The following ASCC3 variants were observed in gnomAD, a reference collection of about 807,000 sequenced individuals.
ASCC3 encodes the protein ASC-1 complex subunit P200.
A neutral mutation model predicts 256.3 loss-of-function variants in ASCC3; 158 were observed. The ratio of observed to expected loss-of-function variants is 0.62; its 90% CI spans 0.54 to 0.70. ASCC3 has a LOEUF of 0.70. ASCC3 is among the 30% of genes least tolerant of loss of function. The pLI, the probability that ASCC3 is intolerant of heterozygous loss-of-function variation, is 0.00. For missense variants in ASCC3, 2,259 were observed against 2,626.0 expected (o/e 0.86, Z 3.05); for synonymous variants, 948 against 883.4 (o/e 1.07, Z -1.30).
chr6:100,521,611 G>A (rs1774314220), intron 37 of ASCC3, among the ~76,000 whole-genome samples: 1 of 152,148 alleles, frequency 6.6e-6, no homozygotes, highest in Admixed American at 6.5e-5. Context: ...GGGGGTCTTG[G>A]AACTATGTTC....
intron 4 of ASCC3, among the ~76,000 whole-genome samples, chr6:100,837,863 C>CAA (rs1175684130): frequency 6.6e-6 from 1 of 151,524 alleles, no homozygotes; most frequent in Non-Finnish European, 1.5e-5. Context: ...TTGGGTATTT[C>CAA]AAAAAAGCTG....
rs200273419 is a variant in ASCC3, at chr6:100,532,454, TA to T, written c.5775+7708del. On this transcript the variant is annotated intron_variant, in intron 37 of 41. Coordinates refer to ENST00000369162, the MANE Select transcript of ASCC3 (RefSeq NM_006828.4). The stretch of plus-strand genomic sequence containing the variant: ...AATTACAAAAGCCATGAGCTGCTTT[TA>T]TGCTGAAAATGATCATTTCTCTGTT... 6.2e-4 allele frequency among the ~76,000 whole-genome samples: 91 copies of T among 147,258 alleles called. 1 individual carries two copies. The East Asian group carries it at 0.012, about 20-fold the overall frequency.
At chr6:100,757,714 C>T (rs1344482819) in intron 10 of ASCC3, among the ~76,000 whole-genome samples, 2 of 152,094 alleles carry the variant, frequency 1.3e-5, no homozygotes, top group Non-Finnish European at 2.9e-5. Flanking sequence ...ATGAAACAGA[C>T]ATCAGAAGAT....
chr6:100,715,068 G>C (rs1779027897), intron 13 of ASCC3: 2 of 155,384 alleles, frequency 1.3e-5, no homozygotes, highest in African/African-American at 4.8e-5. Flanking sequence ...ACTTCACTTT[G>C]TCTTTAACAA....
At chr6:100,797,267 T>C (rs1024350784) in intron 8 of ASCC3, among the ~76,000 whole-genome samples, 3 of 151,932 alleles carry the variant, frequency 2.0e-5, no homozygotes, top group Non-Finnish European at 2.9e-5. Context: ...CTGGCCAACA[T>C]GGCAAAACCC....
At chr6:100,831,324 TAAA>T (rs201555489) in intron 4 of ASCC3, among the ~76,000 whole-genome samples, 1 of 141,042 alleles carries the variant, frequency 7.1e-6, no homozygotes, top group Admixed American at 7.1e-5. Context: ...CTCTTCTGGT[TAAA>T]AAAAAAAAGG....
At chr6:100,763,221 G>T (rs972565950) in intron 10 of ASCC3, among the ~76,000 whole-genome samples, 1 of 152,148 alleles carries the variant, frequency 6.6e-6, no homozygotes, top group East Asian at 1.9e-4. Context: ...AAGGGTAGAA[G>T]AACAGGGTAA....
At chr6:100,705,432 G>A (rs1274377018) in intron 13 of ASCC3, among the ~76,000 whole-genome samples, 3 of 151,974 alleles carry the variant, frequency 2.0e-5, no homozygotes, top group Non-Finnish European at 4.4e-5. Flanking sequence ...AGATAAAACT[G>A]TTAATTTTTT....
At chr6:100,758,862 C>G (rs761964857) in intron 10 of ASCC3, among the ~76,000 whole-genome samples, 2 of 152,082 alleles carry the variant, frequency 1.3e-5, no homozygotes, top group African/African-American at 4.8e-5. Context: ...CCACCAACAG[C>G]GTAAAAGCAT....
At chr6:100,556,597 T>G (rs1019395892) in intron 36 of ASCC3, among the ~76,000 whole-genome samples, 1 of 152,190 alleles carries the variant, frequency 6.6e-6, no homozygotes, top group South Asian at 2.1e-4. Context: ...AAACTAAGAC[T>G]GTGGAGGACC....
intron 36 of ASCC3, among the ~76,000 whole-genome samples, chr6:100,564,920 A>G (rs1770153772): frequency 6.6e-6 from 1 of 152,226 alleles, no homozygotes; most frequent in African/African-American, 2.4e-5. Context: ...GTCCCTCATT[A>G]AAAACTAAAA....
intron 1 of ASCC3, among the ~76,000 whole-genome samples, chr6:100,880,505 T>C (rs559871354): frequency 2.0e-5 from 3 of 152,334 alleles, no homozygotes; most frequent in African/African-American, 7.2e-5. Flanking sequence ...AGTTAATTTA[T>C]AAGAAACCTA....
intron 36 of ASCC3, among the ~76,000 whole-genome samples, chr6:100,560,448 C>T (rs1769872902): frequency 6.6e-6 from 1 of 151,984 alleles, no homozygotes. Context: ...CCTTGATCTG[C>T]CACCCGTGCC....
At position 100,800,485 on chromosome 6, in the gene ASCC3, T is replaced by C. The variant is rs140445485; in HGVS notation, c.942A>G (p.Leu314=). 6.2e-7 allele frequency: 1 copy of C among 1,609,944 alleles called. No individual in the cohort carries two copies. The highest frequency in any genetic ancestry group is 8.5e-7 in the Non-Finnish European group (1 of 1,178,028). ...QALQDNCKKI[L]GENAKPNYGC... Reference sequence around the variant, plus strand: ...CATAATTGGGTTTAGCATTTTCTCCTAAAATTTTTTTACAATTGTCTAAGA... The same window carrying C: ...CATAATTGGGTTTAGCATTTTCTCCCAAAATTTTTTTACAATTGTCTAAGA... The change falls in exon 6 of 42, where the codon TTA becomes TTG. Residue 314 remains leucine, a synonymous_variant. Transcript: ENST00000369162.
At chr6:100,696,545 G>A (rs1373609589) in intron 13 of ASCC3, among the ~76,000 whole-genome samples, 1 of 151,830 alleles carries the variant, frequency 6.6e-6, no homozygotes, top group Non-Finnish European at 1.5e-5. Context: ...AAGCTAATAA[G>A]GAGATTCAAT....
Position 100,577,145 on chromosome 6 carries a change from T to TA in ASCC3, c.5550+12488dup, listed in dbSNP as rs201915028. Among the ~76,000 whole-genome samples, 850 of 151,874 alleles carry TA rather than the reference T, an allele frequency of 5.6e-3. 5 individuals are homozygous for TA. The highest frequency in any genetic ancestry group is 7.7e-3 in the Non-Finnish European group (521 of 67,876). ...AGGTCCAATCCTGATCCCTACGTTG[T>TA]AAAAAAAATCACCTATCACACCAAA... On this transcript the variant is annotated intron_variant, in intron 36 of 41. Transcript: ENST00000369162.
At chr6:100,661,323 T>TCACACACACACACA (rs749963143) in intron 16 of ASCC3, among the ~76,000 whole-genome samples, 16,867 of 141,394 alleles carry the variant, frequency 0.12, 1,260 homozygotes, top group Non-Finnish European at 0.16. Flanking sequence ...AACACAAAAG[T>TCACACACACACACA]CACACACACA....
intron 36 of ASCC3, 45 bp from the exon 37 acceptor site, chr6:100,540,432 A>G: frequency 6.8e-7 from 1 of 1,467,524 alleles, no homozygotes; most frequent in South Asian, 1.2e-5. Context: ...AAAGTATAAT[A>G]ATTAATGTAC....
In ASCC3 at chr6:100,601,914, G is replaced by T. The variant is rs1582535185; in HGVS notation, c.5199C>A (p.Asp1733Glu). 1 of 1,612,274 alleles carries T rather than the reference G, an allele frequency of 6.2e-7. No homozygotes were observed. Among genetic ancestry groups the T allele is most frequent in the Non-Finnish European group, 8.5e-7 (1 of 1,178,706 alleles). ...VESSLLGVLS[D>E]HLNAEIAGGT... is the part of the protein sequence containing the mutation. ...CACCAGCAATCTCTGCATTTAAGTGGTCAGAGAGCACTCCTAATAAACTAT... is the reference window on the plus strand; with the variant it reads ...CACCAGCAATCTCTGCATTTAAGTGTTCAGAGAGCACTCCTAATAAACTAT... The change falls in exon 34 of 42, where the codon GAC becomes GAA. Residue 1733 changes from aspartate to glutamate, a missense_variant. Transcript: ENST00000369162.
Sources: gnomAD v4.1 joint callset for allele counts (sites outside exome capture counted in the v4.1 genomes callset) on GRCh38, gnomAD v4.1.1 for gene constraint, MANE v1.5 for transcripts, NCBI Gene and HGNC (gene_info 2026-07-23, HGNC 2026-07-21) for gene names.